The following SLCO1B3 variants were observed in gnomAD, a reference collection of about 807,000 sequenced individuals.
SLCO1B3 encodes the protein liver-specific organic anion transporter 2.
A neutral mutation model predicts 71.8 loss-of-function variants in SLCO1B3; 72 were observed. That is an observed-to-expected ratio of 1.00 (90% CI 0.83 to 1.22). The LOEUF (loss-of-function observed/expected upper bound fraction) is 1.22. Ranked by LOEUF, SLCO1B3 falls within the 50% of genes most tolerant of loss-of-function variation. SLCO1B3 has a pLI of 0.00. For missense variants in SLCO1B3, 911 were observed against 819.7 expected, an observed-to-expected ratio of 1.11 and a Z score of -1.36; for synonymous variants, 298 against 278.4, an observed-to-expected ratio of 1.07 and a Z score of -0.70.
chr12:20,841,485 G>A (rs970704200), intron 3 of SLCO1B3, among the ~76,000 whole-genome samples: 34 of 140,732 alleles, frequency 2.4e-4, no homozygotes, highest in African/African-American at 8.3e-4. Flanking sequence ...ATTTAAAAAT[G>A]TTTTCTACCA....
intron 3 of SLCO1B3, among the ~76,000 whole-genome samples, chr12:20,853,739 T>C (rs551872643): frequency 6.6e-6 from 1 of 152,058 alleles, no homozygotes; most frequent in Admixed American, 6.5e-5. Context: ...TCTACTCTAA[T>C]GTTTAATATT....
chr12:20,840,022 T>G (rs879476037), intron 3 of SLCO1B3, among the ~76,000 whole-genome samples: 1 of 152,194 alleles, frequency 6.6e-6, no homozygotes, highest in Non-Finnish European at 1.5e-5. Context: ...TTCTTAGAAT[T>G]TTTATCTCGG....
intron 15 of SLCO1B3, among the ~76,000 whole-genome samples, chr12:20,903,663 A>G (rs1218088438): frequency 6.6e-6 from 1 of 152,130 alleles, no homozygotes; most frequent in Non-Finnish European, 1.5e-5. Context: ...TATCTTGAGA[A>G]CAGAAAGGGA....
chr12:20,832,776 A>C (rs1049214820), intron 3 of SLCO1B3, among the ~76,000 whole-genome samples: 3 of 152,112 alleles, frequency 2.0e-5, no homozygotes, highest in African/African-American at 7.2e-5. Context: ...TCTCTGTTTA[A>C]AGATTTCTTT....
intron 3 of SLCO1B3, among the ~76,000 whole-genome samples, chr12:20,821,648 C>G (rs1325505339): frequency 2.0e-5 from 3 of 152,090 alleles, no homozygotes; most frequent in South Asian, 2.1e-4. Flanking sequence ...GTACTTGCCC[C>G]TCCCCCAGAA....
In SLCO1B3 at chr12:20,894,854, CA is replaced by C. The variant is rs144672021; in HGVS notation, c.1683-3581del. Among the ~76,000 whole-genome samples, 391 of 152,242 alleles carry C rather than the reference CA, an allele frequency of 2.6e-3. 3 individuals are homozygous for C. The highest frequency in any genetic ancestry group is 8.9e-3 in the African/African-American group (368 of 41,548). On this transcript the variant is annotated intron_variant, in intron 13 of 15. Coordinates refer to ENST00000381545, the MANE Select transcript of SLCO1B3 (RefSeq NM_019844.4). ...TTTGTTTTTATGCTGCTGATAAAGA[CA>C]TACCCAAGACTGAGCAGTTTACAAA...
chr12:20,895,819 C>T (rs1865996110), intron 13 of SLCO1B3, among the ~76,000 whole-genome samples: 1 of 152,246 alleles, frequency 6.6e-6, no homozygotes, highest in East Asian at 1.9e-4. Flanking sequence ...AGCAGAGGTT[C>T]TCTATGAGCA....
At chr12:20,855,608 C>T (rs1305779134) in intron 4 of SLCO1B3, among the ~76,000 whole-genome samples, 1 of 151,066 alleles carries the variant, frequency 6.6e-6, no homozygotes, top group East Asian at 1.9e-4. Flanking sequence ...TAGGAGCAAC[C>T]TACACTAGAT....
At chr12:20,895,526 C>T (rs1865987669) in intron 13 of SLCO1B3, among the ~76,000 whole-genome samples, 2 of 152,300 alleles carry the variant, frequency 1.3e-5, no homozygotes, top group Non-Finnish European at 2.9e-5. Context: ...GACTCCATGT[C>T]TCACATCTGG....
At chr12:20,846,351 A>G (rs1288891810) in intron 3 of SLCO1B3, among the ~76,000 whole-genome samples, 2 of 152,202 alleles carry the variant, frequency 1.3e-5, no homozygotes, top group Admixed American at 6.6e-5. Context: ...ATATTCTTCC[A>G]AAGAGTGTTA....
Position 20,851,040 on chromosome 12 carries a change from A to G in SLCO1B3, c.85-3988A>G, listed in dbSNP as rs138072750. On this transcript the variant is annotated intron_variant, in intron 3 of 15. Coordinates refer to ENST00000381545, the MANE Select transcript of SLCO1B3 (RefSeq NM_019844.4). Reference sequence around the variant, plus strand: ...ATATCTCATTGTGGTTTTGATTTGCATTATCATATTTTATTTATCTATTCA... The same window carrying G: ...ATATCTCATTGTGGTTTTGATTTGCGTTATCATATTTTATTTATCTATTCA... Among the ~76,000 whole-genome samples the G allele has an allele frequency of 4.4e-3, 667 of 152,222 alleles. 7 individuals carry two copies. The highest frequency in any genetic ancestry group is 0.015 in the African/African-American group (609 of 41,542).
At position 20,862,571 on chromosome 12, in the gene SLCO1B3, A is replaced by G. The variant is rs772582088; in HGVS notation, c.628+13A>G. ...TCCTTGTATTTAGGTAACGTACAGA[A>G]TATATTAAATTTCATGATTACATTC... On this transcript the variant is annotated intron_variant, in intron 7 of 15. Coordinates refer to ENST00000381545, the MANE Select transcript of SLCO1B3 (RefSeq NM_019844.4). The G allele has an allele frequency of 6.3e-7, 1 of 1,580,176 alleles. No individual in the cohort carries two copies. The highest frequency in any genetic ancestry group is 1.8e-5 in the Admixed American group (1 of 54,124).
At chr12:20,901,766 A>G (rs1212255882) in intron 15 of SLCO1B3, 1 of 320,266 alleles carries the variant, frequency 3.1e-6, no homozygotes, top group Non-Finnish European at 6.0e-6. Context: ...TTTGTACTTG[A>G]ATCTCTTTTG....
At position 20,883,620 on chromosome 12, in the gene SLCO1B3, A is replaced by C. The variant is rs777408323; in HGVS notation, c.1682+18A>C. On this transcript the variant is annotated intron_variant, in intron 13 of 15. Transcript: ENST00000381545. The stretch of plus-strand genomic sequence containing the variant: ...ACTGTGAAGTAAGTATGATCCTGTA[A>C]AACATTGTCATGTATATTAGACTAA... 119 of 1,530,678 alleles carry C rather than the reference A, an allele frequency of 7.8e-5. 1 individual carries two copies. In the South Asian group the frequency reaches 1.4e-3, roughly 19 times the overall value. The allele number at this position is 1,530,678 out of a possible 1,614,324, so 94.8% of individuals were successfully genotyped here.
chr12:20,821,344 G>A (rs547364118), intron 3 of SLCO1B3, among the ~76,000 whole-genome samples: 15 of 152,182 alleles, frequency 9.9e-5, no homozygotes, highest in South Asian at 2.1e-4. Flanking sequence ...GGGGTCAAGC[G>A]GCATTGCAGA....
intron 8 of SLCO1B3, among the ~76,000 whole-genome samples, chr12:20,874,602 A>T (rs1865541749): frequency 6.6e-6 from 1 of 152,204 alleles, no homozygotes; most frequent in Non-Finnish European, 1.5e-5. Flanking sequence ...CATTACTCTT[A>T]TACATACTTT....
chr12:20,829,881 C>T (rs1864503843), intron 3 of SLCO1B3, among the ~76,000 whole-genome samples: 2 of 152,006 alleles, frequency 1.3e-5, no homozygotes, highest in African/African-American at 4.8e-5. Context: ...TGTCATGGCG[C>T]TGGTGGGAGT....
rs1381544316 is a variant in SLCO1B3 at position 20,863,005 on chromosome 12, A to G, written c.727+151A>G. 6.7e-6 allele frequency: 3 copies of G among 446,538 alleles called. No homozygotes were observed. In the South Asian group the frequency reaches 1.7e-4, roughly 26 times the overall value. 27.7% of individuals were successfully genotyped at this position (446,538 alleles called of 1,614,324 possible). A position where few individuals can be genotyped will look rare whatever the true frequency, so the allele number is the denominator to read the frequency against. ...AAATAAATCCATTAATAATCAGAAT[A>G]AAAAAGAAATTTAGCTCCTATTTAT... On this transcript the variant is annotated intron_variant, in intron 8 of 15. Coordinates refer to ENST00000381545, the MANE Select transcript of SLCO1B3 (RefSeq NM_019844.4).
chr12:20,846,589 G>T lies in SLCO1B3; in HGVS notation c.85-8439G>T, dbSNP rs144529062. On this transcript the variant is annotated intron_variant, in intron 3 of 15. Transcript: ENST00000381545. The stretch of plus-strand genomic sequence containing the variant: ...AAGTATATGAAGTAAAAAGAGGAGA[G>T]TGTCTGAAACAAATCCCTGGAAGAA... Among the ~76,000 whole-genome samples the T allele has an allele frequency of 9.2e-5, 14 of 152,260 alleles. No individual in the cohort carries two copies. The East Asian group carries it at 2.3e-3, about 25-fold the overall frequency.
Sources: allele counts gnomAD v4.1 joint callset (sites outside exome capture counted in the v4.1 genomes callset), GRCh38; gene constraint gnomAD v4.1.1; transcripts MANE v1.5; gene names NCBI Gene and HGNC (gene_info 2026-07-23, HGNC 2026-07-21).